Variants in GPR141 observed in about 807,000 individuals in gnomAD.
The protein encoded by GPR141 is probable G protein-coupled receptor 141.
GPR141 carries 6 observed loss-of-function variants against 6.8 expected under a neutral mutation model. The observed-to-expected ratio is 0.88, with a 90% CI of 0.48 to 1.74. The LOEUF (loss-of-function observed/expected upper bound fraction) is 1.74. Among genes scored for constraint, GPR141 ranks in the 40% most tolerant of loss-of-function variants. GPR141 has a pLI of 0.01. For missense variants in GPR141, 372 were observed against 372.9 expected (o/e 1.00, Z 0.02); for synonymous variants, 140 against 142.3 (o/e 0.98, Z 0.11).
chr7:37,735,578 A>G (rs1001342676), intron 2 of GPR141, among the ~76,000 whole-genome samples: 2 of 152,218 alleles, frequency 1.3e-5, no homozygotes, highest in Non-Finnish European at 2.9e-5. Context: ...AAATAATGTT[A>G]GTATAGTGGC....
At chr7:37,735,007 A>G (rs2131853689) in intron 2 of GPR141, among the ~76,000 whole-genome samples, 1 of 152,362 alleles carries the variant, frequency 6.6e-6, no homozygotes, top group Admixed American at 6.5e-5. Context: ...GGAGGAAGTT[A>G]CCTTTCTCTT....
intron 2 of GPR141, among the ~76,000 whole-genome samples, chr7:37,726,612 C>T (rs1214654245): frequency 6.6e-6 from 1 of 152,128 alleles, no homozygotes; most frequent in Non-Finnish European, 1.5e-5. Context: ...TGGTTTTTCT[C>T]TTTTTGTATA....
rs535178661 is a variant in GPR141 at position 37,730,287 on chromosome 7, C to A, written c.-14-10093C>A. Among the ~76,000 whole-genome samples, 9 of 152,240 alleles carry A rather than the reference C, an allele frequency of 5.9e-5. No homozygotes were observed. The South Asian group carries it at 1.9e-3, about 32-fold the overall frequency. ...TCCAAATTCTGAGCTACGGCACATG[C>A]TATATTTTTCTACAAAATAAAGTGT... On this transcript the variant is annotated intron_variant, in intron 2 of 2. Coordinates refer to ENST00000334425, the MANE Select transcript of GPR141 (RefSeq NM_001381946.1).
intron 2 of GPR141, among the ~76,000 whole-genome samples, chr7:37,705,521 T>G (rs994493207): frequency 6.6e-6 from 1 of 152,184 alleles, no homozygotes; most frequent in Non-Finnish European, 1.5e-5. Flanking sequence ...CTAGGGTTTT[T>G]ACATTGGAAA....
rs1481828484 is a variant in GPR141, at chr7:37,743,625, T to C, written c.*2314T>C. Among the ~76,000 whole-genome samples the C allele has an allele frequency of 6.6e-6, 1 of 152,074 alleles. No homozygotes were observed. Among genetic ancestry groups the C allele is most frequent in the Non-Finnish European group, 1.5e-5 (1 of 67,978 alleles). On this transcript the variant is annotated 3_prime_UTR_variant, in exon 3 of 3. Coordinates refer to ENST00000334425, the MANE Select transcript of GPR141 (RefSeq NM_001381946.1). ...CATTACCTTGTAGATTATGTCATAC[T>C]CTTTTCCAGATTTTAGATATGTTGA... is the stretch of plus-strand genomic sequence containing the variant.
chr7:37,691,442 A>G (rs1809763683), intron 2 of GPR141, among the ~76,000 whole-genome samples: 1 of 152,034 alleles, frequency 6.6e-6, no homozygotes, highest in Admixed American at 6.6e-5. Context: ...TTTACATTCA[A>G]GGTTATTATT....
intron 2 of GPR141, among the ~76,000 whole-genome samples, chr7:37,731,620 T>TC (rs1811941614): frequency 6.6e-6 from 1 of 152,132 alleles, no homozygotes; most frequent in South Asian, 2.1e-4. Context: ...ATTTTTCTTT[T>TC]TTTTTGTATT....
chr7:37,741,411 C>A lies in GPR141; in HGVS notation c.*100C>A. 1 of 845,260 alleles carries A rather than the reference C, an allele frequency of 1.2e-6. No homozygotes were observed. The highest frequency in any genetic ancestry group is 1.8e-6 in the Non-Finnish European group (1 of 547,736). 52.4% of individuals were successfully genotyped at this position (845,260 alleles called of 1,614,324 possible). The stretch of plus-strand genomic sequence containing the variant: ...ATTTCATTACTTGATCAAAACCATG[C>A]CTTGATGTACCCAAAACAAAAGGAC... On this transcript the variant is annotated 3_prime_UTR_variant, in exon 3 of 3. Coordinates refer to ENST00000334425, the MANE Select transcript of GPR141 (RefSeq NM_001381946.1).
intron 2 of GPR141, among the ~76,000 whole-genome samples, chr7:37,719,025 C>T (rs1236044002): frequency 6.6e-6 from 1 of 152,192 alleles, no homozygotes; most frequent in Non-Finnish European, 1.5e-5. Context: ...GCTTTCTTGC[C>T]TGTGCGTGAA....
intron 2 of GPR141, among the ~76,000 whole-genome samples, chr7:37,728,334 G>A (rs1811735322): frequency 6.7e-6 from 1 of 148,988 alleles, no homozygotes; most frequent in African/African-American, 2.4e-5. Flanking sequence ...CTGTACAGTA[G>A]ACAGTTAGAG....
At chr7:37,702,658 G>T (rs917648227) in intron 2 of GPR141, among the ~76,000 whole-genome samples, 1 of 151,166 alleles carries the variant, frequency 6.6e-6, no homozygotes, top group African/African-American at 2.4e-5. Flanking sequence ...AGTGGGTGCA[G>T]CACACCAGCA....
chr7:37,701,281 A>AATAATAGGAAATATAAATC (rs1810268610), intron 2 of GPR141, among the ~76,000 whole-genome samples: 1 of 152,222 alleles, frequency 6.6e-6, no homozygotes, highest in Non-Finnish European at 1.5e-5. Context: ...AATAACTATT[A>AATAATAGGAAATATAAATC]ATAATAGGAA....
rs1041152144 is a variant in GPR141 at position 37,742,235 on chromosome 7, G to A, written c.*924G>A. Among the ~76,000 whole-genome samples the A allele has an allele frequency of 7.9e-5, 12 of 151,772 alleles. No homozygotes were observed. Among genetic ancestry groups the A allele is most frequent in the Non-Finnish European group, 1.6e-4 (11 of 67,960 alleles). ...GAAATCTTTAGAGCTCCCTTCCGCC[G>A]TTAAAATTATATATATATATATTTA... On this transcript the variant is annotated 3_prime_UTR_variant, in exon 3 of 3. Transcript: ENST00000334425.
chr7:37,707,999 C>G (rs1018605284), intron 2 of GPR141, among the ~76,000 whole-genome samples: 1 of 152,032 alleles, frequency 6.6e-6, no homozygotes, highest in Non-Finnish European at 1.5e-5. Flanking sequence ...ATATTTTGAC[C>G]TTGGAAATTT....
intron 2 of GPR141, among the ~76,000 whole-genome samples, chr7:37,726,188 C>T (rs1049877324): frequency 6.6e-6 from 1 of 152,102 alleles, no homozygotes; most frequent in African/African-American, 2.4e-5. Context: ...GGACAGAGAG[C>T]GGGGAGGAGG....
In GPR141 at chr7:37,741,242, T is replaced by A; in HGVS notation, c.849T>A (p.Phe283Leu). 6.2e-7 allele frequency: 1 copy of A among 1,612,016 alleles called. No individual in the cohort carries two copies. Among genetic ancestry groups the A allele is most frequent in the Non-Finnish European group, 8.5e-7 (1 of 1,178,336 alleles). The change falls in exon 3 of 3, where the codon TTT becomes TTA. Residue 283 changes from phenylalanine to leucine, a missense_variant. Phe to Leu is a conservative substitution (Grantham distance 22). Coordinates refer to ENST00000334425, the MANE Select transcript of GPR141 (RefSeq NM_001381946.1). The stretch of plus-strand genomic sequence containing the variant: ...TTAGCTGCTATGATTTGCTTCTCTT[T>A]GTCTTTGGGGGAAGCCATTGGTTTA... ...TAISCYDLLL[F>L]VFGGSHWFKQ... is the part of the protein sequence containing the mutation.
intron 2 of GPR141, among the ~76,000 whole-genome samples, chr7:37,698,417 C>T (rs575573853): frequency 6.6e-6 from 1 of 152,208 alleles, no homozygotes; most frequent in South Asian, 2.1e-4. Flanking sequence ...GATTTTCAGC[C>T]AAAGGCCACG....
At chr7:37,739,104 T>C (rs1326121332) in intron 2 of GPR141, among the ~76,000 whole-genome samples, 1 of 152,192 alleles carries the variant, frequency 6.6e-6, no homozygotes, top group Non-Finnish European at 1.5e-5. Context: ...TATCACCCCA[T>C]TGAGAATACA....
At chr7:37,710,755 C>T (rs1583545152) in intron 2 of GPR141, among the ~76,000 whole-genome samples, 1 of 152,284 alleles carries the variant, frequency 6.6e-6, no homozygotes, top group East Asian at 1.9e-4. Context: ...TATTTCTGGA[C>T]AGAGCTAGAA....
Sources: allele counts gnomAD v4.1 joint callset (sites outside exome capture counted in the v4.1 genomes callset), GRCh38; gene constraint gnomAD v4.1.1; transcripts MANE v1.5; gene names NCBI Gene and HGNC (gene_info 2026-07-23, HGNC 2026-07-21).